Variants in ABI1 observed in about 807,000 individuals in gnomAD.
ABI1 encodes the protein abl interactor 1.
Under a neutral mutation model 54.6 loss-of-function variants are expected in ABI1, and 14 were observed. The observed-to-expected ratio is 0.26, with a 90% CI of 0.17 to 0.40. The LOEUF (loss-of-function observed/expected upper bound fraction) is 0.40, where lower values mean the gene tolerates loss of function less well. Ranked by LOEUF, ABI1 falls within the 10% of genes least tolerant of loss-of-function variation. The pLI is 1.00. For synonymous variants in ABI1, 194 were observed against 209.3 expected, an observed-to-expected ratio of 0.93 and a Z score of 0.63; for missense variants, 443 against 598.3, an observed-to-expected ratio of 0.74 and a Z score of 2.71.
intron 1 of ABI1, among the ~76,000 whole-genome samples, chr10:26,832,573 G>C (rs1339907941): frequency 6.6e-6 from 1 of 151,932 alleles, no homozygotes; most frequent in Admixed American, 6.6e-5. Flanking sequence ...GACAAAGTGA[G>C]ACTCCATCTC....
At chr10:26,760,231 C>T (rs886318335) in intron 7 of ABI1, among the ~76,000 whole-genome samples, 2 of 152,084 alleles carry the variant, frequency 1.3e-5, no homozygotes, top group South Asian at 2.1e-4. Flanking sequence ...AGTTCAAAGC[C>T]TCTAAAGTTA....
At chr10:26,782,860 A>C (rs1192234243) in intron 2 of ABI1, among the ~76,000 whole-genome samples, 1 of 152,190 alleles carries the variant, frequency 6.6e-6, no homozygotes, top group Non-Finnish European at 1.5e-5. Context: ...CTATCAAAAA[A>C]ATCAGGATGT....
intron 1 of ABI1, among the ~76,000 whole-genome samples, chr10:26,848,288 A>G (rs2050141036): frequency 6.6e-6 from 1 of 151,878 alleles, no homozygotes; most frequent in Non-Finnish European, 1.5e-5. Flanking sequence ...GGATAATAAC[A>G]AGAGATTTCT....
At chr10:26,857,046 A>G (rs1443523323) in intron 1 of ABI1, among the ~76,000 whole-genome samples, 1 of 152,154 alleles carries the variant, frequency 6.6e-6, no homozygotes, top group Non-Finnish European at 1.5e-5. Flanking sequence ...TCAGCCAGGC[A>G]TGGTGGCTCA....
At chr10:26,832,356 G>A (rs1270263169) in intron 1 of ABI1, among the ~76,000 whole-genome samples, 4 of 152,144 alleles carry the variant, frequency 2.6e-5, no homozygotes, top group African/African-American at 9.7e-5. Flanking sequence ...GCCAAGGCGG[G>A]CGGATCACGA....
At chr10:26,816,986 TTGTGTGTGTGTG>T (rs71403891) in intron 2 of ABI1, among the ~76,000 whole-genome samples, 109 of 143,866 alleles carry the variant, frequency 7.6e-4, no homozygotes, top group African/African-American at 2.6e-3. Flanking sequence ...TGCAAAGACT[TTGTGTGTGTGTG>T]TGTGTGTGTG....
At chr10:26,848,765 C>A (rs1362050664) in intron 1 of ABI1, among the ~76,000 whole-genome samples, 1 of 152,026 alleles carries the variant, frequency 6.6e-6, no homozygotes, top group African/African-American at 2.4e-5. Flanking sequence ...TGTGCCACCA[C>A]GCCCAGCTAA....
Position 26,860,935 on chromosome 10 carries a change from C to A in ABI1, c.-72G>T. ...CAGCAAGGTCCGCCGAGGCTCCGAGCACCTCACAGCCCGGATACAAACCGC... is the reference window on the plus strand; with the variant it reads ...CAGCAAGGTCCGCCGAGGCTCCGAGAACCTCACAGCCCGGATACAAACCGC... On this transcript the variant is annotated 5_prime_UTR_variant, in exon 1 of 11. Coordinates refer to ENST00000376140, the MANE Select transcript of ABI1 (RefSeq NM_001012750.3). This position sits in a 1 kb window ranked among gnomAD's most constrained non-coding sequence, Gnocchi z 4.1. 1.4e-6 allele frequency: 2 copies of A among 1,385,062 alleles called. No individual in the cohort carries two copies. Among genetic ancestry groups the A allele is most frequent in the East Asian group, 2.3e-5 (1 of 43,750 alleles). 85.8% of individuals were successfully genotyped at this position (1,385,062 alleles called of 1,614,324 possible).
intron 2 of ABI1, among the ~76,000 whole-genome samples, chr10:26,801,755 A>G (rs1407490089): frequency 6.6e-6 from 1 of 152,168 alleles, no homozygotes; most frequent in African/African-American, 2.4e-5. Context: ...ATTCTGCATC[A>G]TACTCCTCCA....
At chr10:26,787,428 C>T (rs1842842620) in intron 2 of ABI1, among the ~76,000 whole-genome samples, 2 of 152,120 alleles carry the variant, frequency 1.3e-5, no homozygotes, top group African/African-American at 2.4e-5. Flanking sequence ...TCCTACTTCA[C>T]TCACACACTG....
chr10:26,846,857 C>A (rs575413089), intron 1 of ABI1, among the ~76,000 whole-genome samples: 2 of 152,098 alleles, frequency 1.3e-5, no homozygotes, highest in South Asian at 2.1e-4. Flanking sequence ...TCCCTTCCCC[C>A]AAATGTTCTC....
intron 2 of ABI1, among the ~76,000 whole-genome samples, chr10:26,822,101 G>A (rs1336461777): frequency 6.6e-6 from 1 of 151,948 alleles, no homozygotes; most frequent in Non-Finnish European, 1.5e-5. Context: ...GCACTCAAGA[G>A]TACAGAAACA....
In ABI1 at chr10:26,747,737, A is replaced by G. The variant is rs1588723880; in HGVS notation, c.*833T>C. 5.1e-6 allele frequency: 1 copy of G among 196,604 alleles called. No individual in the cohort carries two copies. The highest frequency in any genetic ancestry group is 8.1e-5 in the East Asian group (1 of 12,422). The allele number at this position is 196,604 out of a possible 1,614,324, so 12.2% of individuals were successfully genotyped here. ...TTTTGAATCTGCAAAAATCCGTCAC[A>G]TTGCTGTTGGGACAGATTAAGATAA... On this transcript the variant is annotated 3_prime_UTR_variant, in exon 11 of 11. Coordinates refer to ENST00000376140, the MANE Select transcript of ABI1 (RefSeq NM_001012750.3).
chr10:26,806,146 C>G (rs1252669646), intron 2 of ABI1, among the ~76,000 whole-genome samples: 1 of 152,188 alleles, frequency 6.6e-6, no homozygotes. Flanking sequence ...AAAACCAGCT[C>G]ATTCAATCTT....
chr10:26,823,722 G>A (rs947554612), intron 1 of ABI1, among the ~76,000 whole-genome samples: 4 of 152,110 alleles, frequency 2.6e-5, no homozygotes, highest in African/African-American at 9.7e-5. Flanking sequence ...ACCACCATCG[G>A]AAATCCAACT....
intron 1 of ABI1, among the ~76,000 whole-genome samples, chr10:26,838,932 A>G (rs964983661): frequency 2.6e-5 from 4 of 152,236 alleles, no homozygotes; most frequent in African/African-American, 9.6e-5. Flanking sequence ...TGAACAAAGT[A>G]TAATTCTAAT....
At chr10:26,787,932 T>C (rs1842910532) in intron 2 of ABI1, among the ~76,000 whole-genome samples, 1 of 152,186 alleles carries the variant, frequency 6.6e-6, no homozygotes, top group Admixed American at 6.5e-5. Flanking sequence ...CTTTTGCTTA[T>C]TGGATATAAC....
At chr10:26,827,890 G>A (rs922537755) in intron 1 of ABI1, among the ~76,000 whole-genome samples, 1 of 152,194 alleles carries the variant, frequency 6.6e-6, no homozygotes, top group Admixed American at 6.5e-5. Flanking sequence ...ACCGCACCCG[G>A]CCAGCTTTTC....
intron 1 of ABI1, among the ~76,000 whole-genome samples, chr10:26,840,643 G>GT (rs1182004195): frequency 6.6e-6 from 1 of 152,086 alleles, no homozygotes; most frequent in Non-Finnish European, 1.5e-5. Flanking sequence ...TTACAAAACT[G>GT]TAAGTATCAA....
Sources: gnomAD v4.1 joint callset for allele counts (sites outside exome capture counted in the v4.1 genomes callset) on GRCh38, gnomAD v4.1.1 for gene constraint, Gnocchi (gnomAD v3.1) non-coding constraint, MANE v1.5 for transcripts, NCBI Gene and HGNC (gene_info 2026-07-23, HGNC 2026-07-21) for gene names.